COL4A4: variants seen among roughly 807,000 people sequenced by gnomAD.
COL4A4 encodes collagen alpha-4(IV) chain.
COL4A4 carries 105 observed loss-of-function variants against 192.9 expected under a neutral mutation model. The ratio of observed to expected loss-of-function variants is 0.54; its 90% CI spans 0.46 to 0.64. The LOEUF (loss-of-function observed/expected upper bound fraction) is 0.64. COL4A4 is among the 30% of genes least tolerant of loss of function. The probability of loss-of-function intolerance (pLI) is 0.00; values close to 1 mark genes in which losing one functional copy is unlikely to be tolerated. For missense variants in COL4A4, 1,967 were observed against 2,169.3 expected, an observed-to-expected ratio of 0.91 and a Z score of 1.85; for synonymous variants, 762 against 769.9, an observed-to-expected ratio of 0.99 and a Z score of 0.17.
chr2:227,110,689 T>A (rs2061148394), intron 9 of COL4A4, among the ~76,000 whole-genome samples: 1 of 144,790 alleles, frequency 6.9e-6, no homozygotes, highest in Admixed American at 7.0e-5. Context: ...TCTTTTTTTT[T>A]TTTTTTTTTT....
intron 44 of COL4A4, among the ~76,000 whole-genome samples, chr2:227,017,071 A>C (rs919926800): frequency 6.6e-6 from 1 of 152,136 alleles, no homozygotes; most frequent in Non-Finnish European, 1.5e-5. Context: ...GTCTCACCCA[A>C]CAAGATGATT....
intron 16 of COL4A4, 152 bp downstream of exon 16, chr2:227,101,713 T>C: frequency 9.5e-7 from 1 of 1,055,268 alleles, no homozygotes; most frequent in South Asian, 1.4e-5. Flanking sequence ...GCTTCAATTT[T>C]TGCACCCACA....
intron 4 of COL4A4, among the ~76,000 whole-genome samples, chr2:227,127,423 TGAA>T (rs2062154709): frequency 6.6e-6 from 1 of 152,202 alleles, no homozygotes; most frequent in South Asian, 2.1e-4. Context: ...AAATAAAGGA[TGAA>T]GGAGATGAGA....
At chr2:226,971,899 C>A in the COL4A4 span, among the ~76,000 whole-genome samples, 1 of 139,922 alleles carries the variant, frequency 7.1e-6, no homozygotes, top group Non-Finnish European at 1.5e-5. Flanking sequence ...AGAGAGAAAG[C>A]AAAAGCCCAC....
chr2:226,987,095 C>T, the COL4A4 span, among the ~76,000 whole-genome samples: 1 of 152,186 alleles, frequency 6.6e-6, no homozygotes, highest in East Asian at 1.9e-4. Flanking sequence ...CCAAACACCG[C>T]ATGTTCTCGC....
In COL4A4 at chr2:227,007,081, G is replaced by A. The variant is rs56196639; in HGVS notation, c.*244C>T. On this transcript the variant is annotated 3_prime_UTR_variant, in exon 48 of 48. Coordinates refer to ENST00000396625, the MANE Select transcript of COL4A4 (RefSeq NM_000092.5). ...TATTTTTAAGTAAAGCCAGTTCTTC[G>A]ATCATCCTCAGTAAAATAAGAGTAT... 52,260 of 598,328 alleles carry A rather than the reference G, an allele frequency of 0.087. 2,466 individuals carry two copies. The highest frequency in any genetic ancestry group is 0.17 in the East Asian group (6,021 of 34,966). 37.1% of individuals were successfully genotyped at this position (598,328 alleles called of 1,614,324 possible). A position where few individuals can be genotyped will look rare whatever the true frequency, so the allele number is the denominator to read the frequency against.
intron 4 of COL4A4, among the ~76,000 whole-genome samples, chr2:227,125,192 T>C (rs1013674136): frequency 2.0e-5 from 3 of 152,126 alleles, no homozygotes; most frequent in African/African-American, 7.2e-5. Flanking sequence ...AAATGCCATA[T>C]AAAATACTTT....
At chr2:227,012,116 A>C in intron 45 of COL4A4, 65 bp downstream of exon 45, 5 of 1,317,196 alleles carry the variant, frequency 3.8e-6, no homozygotes, top group Non-Finnish European at 5.5e-6. Flanking sequence ...TTGAGAGATC[A>C]GAGATTTTGT....
At chr2:227,018,789 C>G (rs1248214938) in intron 44 of COL4A4, among the ~76,000 whole-genome samples, 1 of 152,178 alleles carries the variant, frequency 6.6e-6, no homozygotes, top group African/African-American at 2.4e-5. Flanking sequence ...GGAAGGCCCT[C>G]CTGTGGCCAC....
chr2:227,139,195 C>T (rs907689217), intron 4 of COL4A4, among the ~76,000 whole-genome samples: 18 of 152,172 alleles, frequency 1.2e-4, no homozygotes, highest in Admixed American at 6.5e-5. Flanking sequence ...GATCTGCCAG[C>T]ACCTTGTTCT....
Position 227,089,916 on chromosome 2 carries a change from T to C in COL4A4, c.1411A>G (p.Lys471Glu). The change falls in exon 21 of 48, where the codon AAA (lysine) becomes GAA (glutamate). Residue 471 changes from lysine (K) to glutamate (E), a missense_variant. By Grantham distance (56) the Lys-to-Glu change is moderately conservative (BLOSUM62 1). Transcript: ENST00000396625. ...SVGNPGPQGIKGKVGPPGGRG... is the reference protein window; with the variant it reads ...SVGNPGPQGIEGKVGPPGGRG... ...CCTCCTGGGGGACCAACTTTGCCTT[T>C]TATTCCTTGTGGTCCGGGGTTCCCA... 6.2e-7 allele frequency: 1 copy of C among 1,613,748 alleles called. No homozygotes were observed. The highest frequency in any genetic ancestry group is 8.5e-7 in the Non-Finnish European group (1 of 1,179,758).
chr2:227,043,532 T>G (rs1015356620), intron 35 of COL4A4, among the ~76,000 whole-genome samples: 1 of 152,202 alleles, frequency 6.6e-6, no homozygotes, highest in East Asian at 1.9e-4. Context: ...CAATCTTAAT[T>G]AAATTAACTA....
At chr2:227,150,518 A>G (rs1259421203) in intron 1 of COL4A4, among the ~76,000 whole-genome samples, 1 of 152,114 alleles carries the variant, frequency 6.6e-6, no homozygotes, top group Non-Finnish European at 1.5e-5. Context: ...TTATAATAAA[A>G]ATTTTTTAAC....
rs1974944151 is a variant in COL4A4, at chr2:227,054,836, C to T, written c.2717-99G>A. On this transcript the variant is annotated intron_variant, in intron 30 of 47. Transcript: ENST00000396625. ...ACAGAGTCTCACTCTGTCACCCAGGCTGAAGTGCAGTGGCACGATCTCGGC... is the reference window on the plus strand; with the variant it reads ...ACAGAGTCTCACTCTGTCACCCAGGTTGAAGTGCAGTGGCACGATCTCGGC... 3 of 1,347,084 alleles carry T rather than the reference C, an allele frequency of 2.2e-6. No individual in the cohort carries two copies. The Admixed American group carries it at 5.9e-5, about 27-fold the overall frequency. The allele number at this position is 1,347,084 out of a possible 1,614,324, so 83.4% of individuals were successfully genotyped here. A position where few individuals can be genotyped will look rare whatever the true frequency, so the allele number is the denominator to read the frequency against.
At chr2:227,075,335 A>C (rs371757901) in intron 25 of COL4A4, among the ~76,000 whole-genome samples, 1 of 152,226 alleles carries the variant, frequency 6.6e-6, no homozygotes, top group Non-Finnish European at 1.5e-5. Flanking sequence ...CTGGTTCAAC[A>C]TATGCAAATC....
chr2:227,022,470 G>A (rs778057920), intron 43 of COL4A4: 2 of 610,262 alleles, frequency 3.3e-6, no homozygotes, highest in Non-Finnish European at 6.4e-6. Flanking sequence ...GTCGGATGAT[G>A]CAGCAACGTG....
chr2:227,098,669 C>A (rs749924570), intron 19 of COL4A4, 25 bp downstream of exon 19: 5 of 1,584,924 alleles, frequency 3.2e-6, no homozygotes, highest in African/African-American at 1.3e-5. Context: ...CCTGTAAAAG[C>A]CAGGGCACAT....
At chr2:227,014,188 A>AG (rs2149784066) in intron 44 of COL4A4, among the ~76,000 whole-genome samples, 2 of 152,342 alleles carry the variant, frequency 1.3e-5, no homozygotes, top group African/African-American at 4.8e-5. Context: ...TAGGAAACAC[A>AG]GGGCTAAACA....
At position 227,011,311 on chromosome 2, in the gene COL4A4, G is replaced by A. The variant is rs182308338; in HGVS notation, c.4334-810C>T. ...CCCATCTACACTGTCAACCAGAGAC[G>A]ACAAAGTGGTAGCCTGTGGACTGAA... On this transcript the variant is annotated intron_variant, in intron 45 of 47. Coordinates refer to ENST00000396625, the MANE Select transcript of COL4A4 (RefSeq NM_000092.5). Among the ~76,000 whole-genome samples the A allele has an allele frequency of 1.1e-3, 165 of 152,300 alleles. 1 individual carries two copies. The highest frequency in any genetic ancestry group is 3.4e-3 in the African/African-American group (142 of 41,550).
Sources: allele counts gnomAD v4.1 joint callset (sites outside exome capture counted in the v4.1 genomes callset), GRCh38; gene constraint gnomAD v4.1.1; transcripts MANE v1.5; gene names NCBI Gene and HGNC (gene_info 2026-07-23, HGNC 2026-07-21).